FCGRT: variants seen among roughly 807,000 people sequenced by gnomAD.
FCGRT encodes the protein Fc gamma receptor and transporter.
FCGRT carries 13 observed loss-of-function variants against 35.7 expected under a neutral mutation model. The ratio of observed to expected loss-of-function variants is 0.36; its 90% CI spans 0.24 to 0.58. The LOEUF is 0.58. FCGRT is among the 20% of genes least tolerant of loss of function. The pLI, the probability that FCGRT is intolerant of heterozygous loss-of-function variation, is 0.77. For synonymous variants in FCGRT, 233 were observed against 216.5 expected, an observed-to-expected ratio of 1.08 and a Z score of -0.67; for missense variants, 455 against 474.9, an observed-to-expected ratio of 0.96 and a Z score of 0.39.
At position 49,521,540 on chromosome 19, in the gene FCGRT, A is replaced by C. The variant is rs1403597058; in HGVS notation, c.602-2967A>C. Reference sequence around the variant, plus strand: ...ACCCAAGATTGTGCCACTGTACTCCAGCCTGGGCGACAGAGACTCCGTCTC... The same window carrying C: ...ACCCAAGATTGTGCCACTGTACTCCCGCCTGGGCGACAGAGACTCCGTCTC... On this transcript the variant is annotated intron_variant, in intron 4 of 6. Coordinates refer to ENST00000221466, the MANE Select transcript of FCGRT (RefSeq NM_001136019.3). Among the ~76,000 whole-genome samples, 3 of 147,514 alleles carry C rather than the reference A, an allele frequency of 2.0e-5. No individual in the cohort carries two copies. The East Asian group carries it at 5.9e-4, about 29-fold the overall frequency.
At chr19:49,514,612 CAG>C in intron 4 of FCGRT, 126 bp downstream of exon 4, 1 of 914,894 alleles carries the variant, frequency 1.1e-6, no homozygotes, top group Non-Finnish European at 1.6e-6. Flanking sequence ...CCCCATTCCT[CAG>C]GGGTCCTTCT....
In FCGRT at chr19:49,522,260, T is replaced by C. The variant is rs371713233; in HGVS notation, c.602-2247T>C. 7.9e-5 allele frequency among the ~76,000 whole-genome samples: 12 copies of C among 151,764 alleles called. 1 individual carries two copies. The East Asian group carries it at 2.3e-3, about 30-fold the overall frequency. On this transcript the variant is annotated intron_variant, in intron 4 of 6. Transcript: ENST00000221466. The stretch of plus-strand genomic sequence containing the variant: ...CACACTGGCTAATTTTTTTTATTTG[T>C]AGTGGAGACTACGTCTTACTGTTTG...
rs1405357647 is a variant in FCGRT, at chr19:49,525,438, C to T, written c.872-19C>T. 1 of 1,592,202 alleles carries T rather than the reference C, an allele frequency of 6.3e-7. No individual in the cohort carries two copies. The highest frequency in any genetic ancestry group is 8.6e-7 in the Non-Finnish European group (1 of 1,160,486). On this transcript the variant is annotated intron_variant, in intron 5 of 6. Transcript: ENST00000221466. ...GGTGGAGGGGCTGCTCCACATCTCA[C>T]AGCGTTCTCTGGCTGCAGAATCTCC...
Position 49,514,501 on chromosome 19 carries a change from C to T in FCGRT, c.601+15C>T. ...GGAGTGGAAGGGTGAGCCGGATCTG[C>T]AGCCGCAGGCTGTTCTGTCCTCTCT... On this transcript the variant is annotated intron_variant, in intron 4 of 6. Coordinates refer to ENST00000221466, the MANE Select transcript of FCGRT (RefSeq NM_001136019.3). 6.5e-7 allele frequency: 1 copy of T among 1,531,942 alleles called. No individual in the cohort carries two copies. Among genetic ancestry groups the T allele is most frequent in the Non-Finnish European group, 8.8e-7 (1 of 1,137,816 alleles). The allele number at this position is 1,531,942 out of a possible 1,614,324, so 94.9% of individuals were successfully genotyped here.
intron 4 of FCGRT, 101 bp from the exon 5 acceptor site, chr19:49,524,406 T>C: frequency 7.7e-7 from 1 of 1,300,810 alleles, no homozygotes; most frequent in East Asian, 2.3e-5. Context: ...TATCTGCGGT[T>C]AGCACAGTGC....
chr19:49,514,007 G>A lies in FCGRT; in HGVS notation c.199G>A (p.Glu67Lys), dbSNP rs1346962125. The stretch of plus-strand genomic sequence containing the variant: ...CCTGAGCTACAATAGCCTGCGGGGC[G>A]AGGCGGAGCCCTGTGGAGCTTGGGT... ...QYLSYNSLRGEAEPCGAWVWE... is the reference protein window; with the variant it reads ...QYLSYNSLRGKAEPCGAWVWE... The change falls in exon 3 of 7, where the codon GAG becomes AAG. Residue 67 changes from glutamate to lysine, a missense_variant. Physicochemically the swap from Glu to Lys is moderately conservative, Grantham distance 56. This residue lies in a region of FCGRT where 136 missense variants were observed against 158.9 expected (regional missense o/e 0.86). Transcript: ENST00000221466. The A allele has an allele frequency of 6.2e-7, 1 of 1,613,320 alleles. No individual in the cohort carries two copies. Among genetic ancestry groups the A allele is most frequent in the South Asian group, 1.1e-5 (1 of 91,088 alleles).
At chr19:49,516,432 T>TA (rs2080008234) in intron 4 of FCGRT, among the ~76,000 whole-genome samples, 2 of 149,722 alleles carry the variant, frequency 1.3e-5, no homozygotes, top group African/African-American at 2.5e-5. Context: ...TTTTTTTTTT[T>TA]AGTAAAGACA....
intron 1 of FCGRT, chr19:49,513,162 T>A (rs2079983312): frequency 3.0e-6 from 1 of 335,590 alleles, no homozygotes; most frequent in Non-Finnish European, 5.4e-6. Flanking sequence ...GTGGCGGAGC[T>A]CGGGGCCGGG....
At chr19:49,516,551 TTTGTTG>T (rs56189133) in intron 4 of FCGRT, among the ~76,000 whole-genome samples, 1 of 149,556 alleles carries the variant, frequency 6.7e-6, no homozygotes, top group Non-Finnish European at 1.5e-5. Context: ...GCTCCTGGCC[TTTGTTG>T]TTGTTGTTGT....
chr19:49,515,806 C>T (rs1407001603), intron 4 of FCGRT, among the ~76,000 whole-genome samples: 1 of 152,172 alleles, frequency 6.6e-6, no homozygotes, highest in African/African-American at 2.4e-5. Flanking sequence ...GCTCCAGCCA[C>T]CCAACATAAG....
At chr19:49,513,122 G>A (rs1405915245) in intron 1 of FCGRT, 1 of 273,370 alleles carries the variant, frequency 3.7e-6, no homozygotes. Flanking sequence ...GAGGGAGGAG[G>A]GGCTGGGGCC....
rs746958247 is a variant in FCGRT at position 49,522,770 on chromosome 19, CTTTTTTT to C, written c.602-1718_602-1712del. 8.8e-3 allele frequency among the ~76,000 whole-genome samples: 584 copies of C among 66,650 alleles called. 1 individual carries two copies. The highest frequency in any genetic ancestry group is 0.02 in the Middle Eastern group (1 of 50). 43.7% of individuals were successfully genotyped at this position (66,650 alleles called of 152,430 possible). ...ATGAGAGACATTGGCCTTAAGCTCT[CTTTTTTT>C]TTTTTTTTTTTTTTTTTTGAGATGG... On this transcript the variant is annotated intron_variant, in intron 4 of 6. Transcript: ENST00000221466.
In FCGRT at chr19:49,524,696, C is replaced by G; in HGVS notation, c.791C>G (p.Thr264Arg). 1 of 1,603,480 alleles carries G rather than the reference C, an allele frequency of 6.2e-7. No individual in the cohort carries two copies. Among genetic ancestry groups the G allele is most frequent in the Non-Finnish European group, 8.5e-7 (1 of 1,179,908 alleles). Residue 264 changes from threonine (T) to arginine (R), a missense_variant, in exon 5 of 7, where the codon ACA (threonine) becomes AGA (arginine). By Grantham distance (71) the Thr-to-Arg change is moderately conservative (BLOSUM62 -1). Around this residue, in one of 3 missense-constraint regions of FCGRT, gnomAD observed 312 missense variants for 296.1 expected, o/e 1.05. Transcript: ENST00000221466. ...TCCTTCCACGCCTCGTCGTCACTAA[C>G]AGTCAAAAGTGGCGATGAGCACCAC... ...DGSFHASSSL[T>R]VKSGDEHHYC...
intron 4 of FCGRT, among the ~76,000 whole-genome samples, chr19:49,518,786 C>T (rs546737173): frequency 3.3e-5 from 5 of 152,118 alleles, no homozygotes; most frequent in African/African-American, 7.2e-5. Context: ...CCACCCACCT[C>T]GGCCTCCCAA....
At position 49,526,290 on chromosome 19, in the gene FCGRT, G is replaced by C. The variant is rs1223387246; in HGVS notation, c.*171G>C. The C allele has an allele frequency of 1.7e-6, 1 of 595,254 alleles. No homozygotes were observed. Among genetic ancestry groups the C allele is most frequent in the African/African-American group, 1.9e-5 (1 of 53,600 alleles). 36.9% of individuals were successfully genotyped at this position (595,254 alleles called of 1,614,324 possible). Reference sequence around the variant, plus strand: ...CTCAGTTTCCCCTCCTAATACATATGGCTGTTTTCCACCTCGATAATATAA... The same window carrying C: ...CTCAGTTTCCCCTCCTAATACATATCGCTGTTTTCCACCTCGATAATATAA... On this transcript the variant is annotated 3_prime_UTR_variant, in exon 7 of 7. Transcript: ENST00000221466.
intron 6 of FCGRT, 146 bp from the exon 7 acceptor site, chr19:49,525,864 T>G: frequency 1.4e-6 from 1 of 738,862 alleles, no homozygotes; most frequent in Non-Finnish European, 2.4e-6. Context: ...GGACGGAAAA[T>G]TGGGAGAAGG....
chr19:49,522,770 CTTTTTTTT>C (rs746958247), intron 4 of FCGRT, among the ~76,000 whole-genome samples: 10 of 66,664 alleles, frequency 1.5e-4, no homozygotes, highest in Admixed American at 3.8e-4. Flanking sequence ...CTTAAGCTCT[CTTTTTTTT>C]TTTTTTTTTT....
chr19:49,513,366 A>T, intron 1 of FCGRT, 21 bp from the exon 2 acceptor site: 2 of 798,178 alleles, frequency 2.5e-6, no homozygotes, highest in Non-Finnish European at 3.2e-6. Context: ...GGGAGGAGTC[A>T]CGTGCCCCCT....
At chr19:49,518,480 T>G (rs1367862889) in intron 4 of FCGRT, among the ~76,000 whole-genome samples, 1 of 151,610 alleles carries the variant, frequency 6.6e-6, no homozygotes, top group Admixed American at 6.6e-5. Context: ...ATTCTCCCAC[T>G]TCAGCCTCCC....
Sources: gnomAD v4.1 joint callset for allele counts (sites outside exome capture counted in the v4.1 genomes callset) on GRCh38, gnomAD v4.1.1 for gene constraint, gnomAD v4.1.1 regional missense constraint, MANE v1.5 for transcripts, NCBI Gene and HGNC (gene_info 2026-07-23, HGNC 2026-07-21) for gene names.